MKLN1: variants seen among roughly 807,000 people sequenced by gnomAD.
MKLN1 encodes muskelin 1, also known as muskelin.
In MKLN1, 18 loss-of-function variants were observed where a neutral mutation model predicts 99.0. That is an observed-to-expected ratio of 0.18 (90% confidence interval 0.13 to 0.27). The LOEUF (loss-of-function observed/expected upper bound fraction) is 0.27, where lower values mean the gene tolerates loss of function less well. MKLN1 is among the 10% of genes least tolerant of loss of function. The pLI is 1.00. For synonymous variants in MKLN1, 288 were observed against 293.2 expected (o/e 0.98, Z 0.18); for missense variants, 621 against 875.9 (o/e 0.71, Z 3.67).
intron 16 of MKLN1, among the ~76,000 whole-genome samples, chr7:131,476,613 A>T (rs1165962362): frequency 6.6e-6 from 1 of 152,204 alleles, no homozygotes; most frequent in Non-Finnish European, 1.5e-5. Context: ...AAATGGAGAG[A>T]TATATTTATG....
At chr7:131,412,881 A>C (rs1794918263) in intron 7 of MKLN1, among the ~76,000 whole-genome samples, 1 of 152,208 alleles carries the variant, frequency 6.6e-6, no homozygotes, top group African/African-American at 2.4e-5. Flanking sequence ...ATTAATATGC[A>C]GGGGAAAATT....
At chr7:131,129,052 C>T (rs746098963) in intron 1 of MKLN1, among the ~76,000 whole-genome samples, 10 of 151,556 alleles carry the variant, frequency 6.6e-5, no homozygotes, top group South Asian at 2.1e-4. Flanking sequence ...AAAAGAAGAA[C>T]GGGTAAAGAA....
Position 131,389,025 on chromosome 7 carries a change from C to G in MKLN1, c.400+53C>G, listed in dbSNP as rs930042991. ...ACAAATTCTTGATATCATCAGTCAG[C>G]AAACTATAGCCCATAGACCAAATCC... On this transcript the variant is annotated intron_variant, in intron 4 of 17. Coordinates refer to ENST00000352689, the MANE Select transcript of MKLN1 (RefSeq NM_013255.5). The G allele has an allele frequency of 9.1e-5, 111 of 1,220,878 alleles. 1 individual carries two copies. The South Asian group carries it at 1.4e-3, about 16-fold the overall frequency. 75.6% of individuals were successfully genotyped at this position (1,220,878 alleles called of 1,614,324 possible). A position where few individuals can be genotyped will look rare whatever the true frequency, so the allele number is the denominator to read the frequency against.
chr7:131,416,277 T>C (rs938783545), intron 8 of MKLN1, among the ~76,000 whole-genome samples: 2 of 152,208 alleles, frequency 1.3e-5, no homozygotes, highest in Non-Finnish European at 2.9e-5. Flanking sequence ...TTCATAGTGC[T>C]TACTGTGTTA....
chr7:131,480,635 C>T (rs1480781715), intron 17 of MKLN1, among the ~76,000 whole-genome samples: 3 of 152,212 alleles, frequency 2.0e-5, no homozygotes, highest in East Asian at 1.9e-4. Flanking sequence ...ACTATTCATA[C>T]ACTCGAGTTG....
chr7:131,456,447 A>C (rs562572460), intron 12 of MKLN1, among the ~76,000 whole-genome samples: 1 of 151,982 alleles, frequency 6.6e-6, no homozygotes, highest in South Asian at 2.1e-4. Flanking sequence ...CTGAAGGCTC[A>C]CTCTCCCCCA....
intron 2 of MKLN1, among the ~76,000 whole-genome samples, chr7:131,144,363 TC>T (rs1795785604): frequency 6.6e-6 from 1 of 150,772 alleles, no homozygotes; most frequent in African/African-American, 2.4e-5. Context: ...GCGCCTGTAG[TC>T]CCAGCTACTC....
chr7:131,376,801 C>T (rs1793680338), intron 2 of MKLN1, among the ~76,000 whole-genome samples: 1 of 151,778 alleles, frequency 6.6e-6, no homozygotes, highest in African/African-American at 2.4e-5. Flanking sequence ...TCTAACCCCT[C>T]CCCAGTAACT....
chr7:131,287,934 T>C (rs1042141528), intron 3 of MKLN1, among the ~76,000 whole-genome samples: 8 of 152,142 alleles, frequency 5.3e-5, no homozygotes, highest in Non-Finnish European at 1.0e-4. Context: ...AGAAGGTCCT[T>C]GTTTCCCCTT....
At chr7:131,273,401 G>A (rs956240940) in intron 3 of MKLN1, among the ~76,000 whole-genome samples, 6 of 152,180 alleles carry the variant, frequency 3.9e-5, no homozygotes, top group African/African-American at 1.4e-4. Flanking sequence ...TGTGCTTAGT[G>A]GCCTGTGGGG....
In MKLN1 at chr7:131,146,177, T is replaced by G. The variant is rs1308454183; in HGVS notation, c.-297+3236T>G. On this transcript the variant is annotated intron_variant, in intron 2 of 7. Transcript: ENST00000416992. ...CAGTCAGATCCCAAACCTTAATTAT[T>G]ATTCTATGAGGACCCTAAGGTGGGC... 1.6e-4 allele frequency among the ~76,000 whole-genome samples: 24 copies of G among 152,044 alleles called. 1 individual carries two copies. Among genetic ancestry groups the G allele is most frequent in the Admixed American group, 1.6e-3 (24 of 15,264 alleles).
intron 3 of MKLN1, among the ~76,000 whole-genome samples, chr7:131,248,492 G>A (rs769904271): frequency 6.6e-6 from 1 of 151,158 alleles, no homozygotes; most frequent in Non-Finnish European, 1.5e-5. Context: ...GCCAAGCACC[G>A]TGCTAAGTGC....
chr7:131,359,347 A>G (rs938709441), intron 1 of MKLN1, among the ~76,000 whole-genome samples: 10 of 152,194 alleles, frequency 6.6e-5, no homozygotes, highest in African/African-American at 2.4e-4. Flanking sequence ...GTTTAATTCC[A>G]TTGTGGTCTG....
chr7:131,433,093 C>A (rs967855975), intron 9 of MKLN1, among the ~76,000 whole-genome samples: 12 of 152,196 alleles, frequency 7.9e-5, no homozygotes, highest in African/African-American at 2.9e-4. Flanking sequence ...CACTCTGCAA[C>A]CCCAGCCCAG....
intron 3 of MKLN1, among the ~76,000 whole-genome samples, chr7:131,207,356 C>A (rs1184409315): frequency 6.6e-6 from 1 of 152,048 alleles, no homozygotes; most frequent in Non-Finnish European, 1.5e-5. Flanking sequence ...CATCACCAGG[C>A]CCTGCTAATT....
intron 8 of MKLN1, among the ~76,000 whole-genome samples, chr7:131,418,740 T>G (rs1471697354): frequency 9.2e-5 from 14 of 152,322 alleles, no homozygotes; most frequent in Admixed American, 5.9e-4. Context: ...GAGTTGATTT[T>G]TATTTACTTA....
At chr7:131,234,798 G>A (rs761394660) in intron 3 of MKLN1, among the ~76,000 whole-genome samples, 5 of 152,182 alleles carry the variant, frequency 3.3e-5, no homozygotes, top group Non-Finnish European at 5.9e-5. Context: ...CCCCTCCTCA[G>A]AGAAATGCTG....
intron 3 of MKLN1, among the ~76,000 whole-genome samples, chr7:131,309,193 G>A (rs1798517491): frequency 6.6e-6 from 1 of 152,194 alleles, no homozygotes; most frequent in African/African-American, 2.4e-5. Flanking sequence ...GTACCGAGGA[G>A]TTCTGAGGGT....
At chr7:131,289,614 C>T (rs1385307346) in intron 3 of MKLN1, among the ~76,000 whole-genome samples, 1 of 152,184 alleles carries the variant, frequency 6.6e-6, no homozygotes, top group Non-Finnish European at 1.5e-5. Flanking sequence ...AGAGACAGAC[C>T]ACCTGAGTTC....
Sources: gnomAD v4.1 joint callset for allele counts (sites outside exome capture counted in the v4.1 genomes callset) on GRCh38, gnomAD v4.1.1 for gene constraint, MANE v1.5 for transcripts, NCBI Gene and HGNC (gene_info 2026-07-23, HGNC 2026-07-21) for gene names.